CEMIP: variants seen among roughly 807,000 people sequenced by gnomAD.
CEMIP encodes cell migration inducing hyaluronidase 1, also known as cell migration-inducing and hyaluronan-binding protein.
In CEMIP, 105 loss-of-function variants were observed where a neutral mutation model predicts 156.9. The observed-to-expected ratio is 0.67, with a 90% CI of 0.57 to 0.79. The LOEUF (loss-of-function observed/expected upper bound fraction) is 0.79, where lower values mean the gene tolerates loss of function less well. CEMIP is among the 30% of genes least tolerant of loss of function. The pLI is 0.00. For missense variants in CEMIP, 1,457 were observed against 1,769.4 expected (o/e 0.82, Z 3.17); for synonymous variants, 676 against 668.4 (o/e 1.01, Z -0.17).
In CEMIP at chr15:80,840,472, G is replaced by A. The variant is rs565250695; in HGVS notation, c.-175-33066G>A. 1.2e-4 allele frequency among the ~76,000 whole-genome samples: 19 copies of A among 152,228 alleles called. No individual in the cohort carries two copies. In the East Asian group the frequency reaches 1.9e-3, roughly 16 times the overall value. ...CCTCCAGAACTGTGGCGAGGCAGCC[G>A]TTTTTAAATGTTTGTTTGGGTTTTC... On this transcript the variant is annotated intron_variant, in intron 1 of 29. Transcript: ENST00000394685.
intron 1 of CEMIP, among the ~76,000 whole-genome samples, chr15:80,860,898 A>G (rs1897968057): frequency 6.6e-6 from 1 of 151,944 alleles, no homozygotes; most frequent in Admixed American, 6.6e-5. Context: ...GTGTGTTCCC[A>G]GGGCATCTCC....
At chr15:80,921,170 C>G in intron 16 of CEMIP, 69 bp downstream of exon 16, 1 of 1,393,576 alleles carries the variant, frequency 7.2e-7, no homozygotes, top group East Asian at 2.3e-5. Context: ...ACAGCCGAGG[C>G]TTACCTTGAA....
intron 21 of CEMIP, 112 bp from the exon 22 acceptor site, chr15:80,931,747 T>C (rs1326871840): frequency 9.5e-7 from 1 of 1,051,660 alleles, no homozygotes; most frequent in Non-Finnish European, 1.5e-6. Flanking sequence ...AAGTCTCTGC[T>C]ACCATCCACC....
chr15:80,943,704 G>A (rs932285554), intron 28 of CEMIP, among the ~76,000 whole-genome samples: 9 of 152,128 alleles, frequency 5.9e-5, no homozygotes. Context: ...TCTGCCTGCA[G>A]TACTGCTCGC....
intron 13 of CEMIP, among the ~76,000 whole-genome samples, chr15:80,908,831 T>A (rs1049513341): frequency 6.6e-6 from 1 of 152,232 alleles, no homozygotes; most frequent in African/African-American, 2.4e-5. Flanking sequence ...GAGCCCCAGC[T>A]ATAGCATAGC....
At chr15:80,791,886 C>G (rs904135474) in intron 1 of CEMIP, among the ~76,000 whole-genome samples, 1 of 152,154 alleles carries the variant, frequency 6.6e-6, no homozygotes, top group Non-Finnish European at 1.5e-5. Flanking sequence ...GGAGTAGTCA[C>G]CACGAAGGAT....
intron 10 of CEMIP, among the ~76,000 whole-genome samples, chr15:80,892,095 C>T (rs1484188429): frequency 1.3e-5 from 2 of 152,130 alleles, no homozygotes; most frequent in Non-Finnish European, 2.9e-5. Context: ...CCTCTCACCT[C>T]CCCGGGCCCT....
chr15:80,868,815 C>T (rs1208224266), intron 1 of CEMIP, among the ~76,000 whole-genome samples: 1 of 152,144 alleles, frequency 6.6e-6, no homozygotes, highest in Non-Finnish European at 1.5e-5. Context: ...GTGCATAAAG[C>T]AGTGCCTCGC....
chr15:80,835,105 A>AC (rs1897242909), intron 1 of CEMIP, among the ~76,000 whole-genome samples: 1 of 142,676 alleles, frequency 7.0e-6, no homozygotes, highest in African/African-American at 2.6e-5. Context: ...GAGAGAGAGA[A>AC]AGAGACAGAG....
intron 1 of CEMIP, among the ~76,000 whole-genome samples, chr15:80,856,755 T>C (rs140463030): frequency 6.6e-6 from 1 of 152,228 alleles, no homozygotes; most frequent in East Asian, 1.9e-4. Flanking sequence ...TCTGCCAAGG[T>C]CTCCCAGGAC....
intron 1 of CEMIP, among the ~76,000 whole-genome samples, chr15:80,836,891 G>T (rs187542080): frequency 1.9e-4 from 29 of 152,336 alleles, no homozygotes; most frequent in Admixed American, 1.9e-3. Context: ...AGGATTGTAA[G>T]GGCTAAGCAG....
chr15:80,872,292 T>C (rs929460353), intron 1 of CEMIP, among the ~76,000 whole-genome samples: 2 of 152,192 alleles, frequency 1.3e-5, no homozygotes, highest in African/African-American at 2.4e-5. Flanking sequence ...ATTGCGGAGA[T>C]GGCATAGAAG....
At chr15:80,915,284 T>C (rs1840749045) in intron 14 of CEMIP, among the ~76,000 whole-genome samples, 2 of 152,238 alleles carry the variant, frequency 1.3e-5, no homozygotes, top group Admixed American at 1.3e-4. Flanking sequence ...GGGACGGTTA[T>C]CGTTTTTGTT....
rs191888989 is a variant in CEMIP at position 80,779,843 on chromosome 15, T to G, written c.-176+229T>G. 6.1e-4 allele frequency among the ~76,000 whole-genome samples: 93 copies of G among 152,344 alleles called. 1 individual carries two copies. The East Asian group carries it at 0.016, about 27-fold the overall frequency. ...GGCACTGTCCTCTGTGGGATTTCTC[T>G]GAGATCTTGTGATGCTTTACAAGCT... On this transcript the variant is annotated intron_variant, in intron 1 of 29. Coordinates refer to ENST00000394685, the MANE Select transcript of CEMIP (RefSeq NM_001293298.2).
intron 1 of CEMIP, among the ~76,000 whole-genome samples, chr15:80,854,183 G>T: frequency 6.6e-6 from 1 of 152,234 alleles, no homozygotes; most frequent in East Asian, 1.9e-4. Flanking sequence ...AGAAAATCAA[G>T]GAATAACTTT....
At position 80,933,038 on chromosome 15, in the gene CEMIP, C is replaced by G. The variant is rs541156135; in HGVS notation, c.2794-207C>G. Among the ~76,000 whole-genome samples, 39 of 152,320 alleles carry G rather than the reference C, an allele frequency of 2.6e-4. No homozygotes were observed. In the South Asian group the frequency reaches 7.9e-3, roughly 31 times the overall value. ...CAGAGGCCAAAAGCATGTGCTAGGTCTGGGAGTTGAGGCACAGTGAACCTT... is the reference window on the plus strand; with the variant it reads ...CAGAGGCCAAAAGCATGTGCTAGGTGTGGGAGTTGAGGCACAGTGAACCTT... On this transcript the variant is annotated intron_variant, in intron 22 of 29. Coordinates refer to ENST00000394685, the MANE Select transcript of CEMIP (RefSeq NM_001293298.2).
intron 12 of CEMIP, among the ~76,000 whole-genome samples, chr15:80,900,657 TG>T (rs1404814501): frequency 1.6e-4 from 23 of 143,586 alleles, no homozygotes; most frequent in Non-Finnish European, 2.9e-4. Flanking sequence ...TGTCTGTGTG[TG>T]TGTCTGTGTG....
chr15:80,882,652 T>C (rs1898700931), intron 6 of CEMIP, among the ~76,000 whole-genome samples: 1 of 152,216 alleles, frequency 6.6e-6, no homozygotes, highest in African/African-American at 2.4e-5. Flanking sequence ...AAGGACAGAA[T>C]GTCTGCTTGT....
chr15:80,821,074 TG>T (rs1896897364), intron 1 of CEMIP, among the ~76,000 whole-genome samples: 1 of 152,202 alleles, frequency 6.6e-6, no homozygotes, highest in African/African-American at 2.4e-5. Flanking sequence ...TTCAAACAAC[TG>T]GCTCTGTGCT....
Sources: gnomAD v4.1 joint callset for allele counts (sites outside exome capture counted in the v4.1 genomes callset) on GRCh38, gnomAD v4.1.1 for gene constraint, MANE v1.5 for transcripts, NCBI Gene and HGNC (gene_info 2026-07-23, HGNC 2026-07-21) for gene names.